CTNND2: variants seen among roughly 807,000 people sequenced by gnomAD.
CTNND2 encodes the protein catenin delta-2.
Under a neutral mutation model 144.4 loss-of-function variants are expected in CTNND2, and 22 were observed. The observed-to-expected ratio is 0.15, with a 90% CI of 0.11 to 0.22. The LOEUF (loss-of-function observed/expected upper bound fraction) is 0.22. Ranked by LOEUF, CTNND2 falls within the 10% of genes least tolerant of loss-of-function variation. The pLI is 1.00. For synonymous variants in CTNND2, 751 were observed against 695.6 expected (o/e 1.08, Z -1.25); for missense variants, 1,353 against 1,618.8 (o/e 0.84, Z 2.82).
chr5:11,284,961 C>T (rs548095303), intron 9 of CTNND2, among the ~76,000 whole-genome samples: 1 of 152,194 alleles, frequency 6.6e-6, no homozygotes, highest in Non-Finnish European at 1.5e-5. Context: ...ACAGAGCCCC[C>T]CTCCTTGACA....
intron 15 of CTNND2, among the ~76,000 whole-genome samples, chr5:11,088,035 T>TA (rs1750362879): frequency 6.6e-6 from 1 of 152,238 alleles, no homozygotes; most frequent in Admixed American, 6.5e-5. Flanking sequence ...AATTTTCAAT[T>TA]AAAAAATTTC....
At chr5:11,545,503 A>G (rs1280158971) in intron 3 of CTNND2, among the ~76,000 whole-genome samples, 1 of 151,658 alleles carries the variant, frequency 6.6e-6, no homozygotes, top group Non-Finnish European at 1.5e-5. Context: ...TCTACTAAAA[A>G]TACAAAAAAT....
At chr5:11,490,114 A>G (rs1050724120) in intron 3 of CTNND2, among the ~76,000 whole-genome samples, 15 of 152,148 alleles carry the variant, frequency 9.9e-5, no homozygotes, top group African/African-American at 3.6e-4. Flanking sequence ...TTCTGTCTTT[A>G]TTGTTTTAAC....
At chr5:11,580,708 C>T (rs1020772635) in intron 2 of CTNND2, among the ~76,000 whole-genome samples, 4 of 152,090 alleles carry the variant, frequency 2.6e-5, no homozygotes, top group African/African-American at 9.7e-5. Context: ...CATACCATTC[C>T]ATGGAAGGAT....
In CTNND2 at chr5:11,569,140, A is replaced by G. The variant is rs1777357572; in HGVS notation, c.175-4084T>C. Among the ~76,000 whole-genome samples, 5 of 152,194 alleles carry G rather than the reference A, an allele frequency of 3.3e-5. No homozygotes were observed. The South Asian group carries it at 8.3e-4, about 25-fold the overall frequency. On this transcript the variant is annotated intron_variant, in intron 2 of 21. Transcript: ENST00000304623. Reference sequence around the variant, plus strand: ...GATGTGGTGATGTAAATCAGGCTGCATAAAATGTAATACAGAGACTGCCCA... The same window carrying G: ...GATGTGGTGATGTAAATCAGGCTGCGTAAAATGTAATACAGAGACTGCCCA...
In CTNND2 at chr5:11,516,514, AT is replaced by A. The variant is rs551657991; in HGVS notation, c.287+48429del. 4.1e-3 allele frequency among the ~76,000 whole-genome samples: 626 copies of A among 152,320 alleles called. 5 individuals carry two copies. The highest frequency in any genetic ancestry group is 0.014 in the African/African-American group (597 of 41,582). On this transcript the variant is annotated intron_variant, in intron 3 of 21. Transcript: ENST00000304623. Reference sequence around the variant, plus strand: ...TAAAATTGCAAGGTACAAGATCAATATTTTAAAAATTGTTTGCATTTCTATA... The same window carrying A: ...TAAAATTGCAAGGTACAAGATCAATATTTAAAAATTGTTTGCATTTCTATA...
chr5:11,430,827 G>A (rs1352290856), intron 3 of CTNND2, among the ~76,000 whole-genome samples: 1 of 152,188 alleles, frequency 6.6e-6, no homozygotes, highest in African/African-American at 2.4e-5. Context: ...TATGGAAAAT[G>A]CAATCTTAGT....
chr5:11,086,739 G>T (rs369249452), intron 15 of CTNND2, among the ~76,000 whole-genome samples: 6 of 152,142 alleles, frequency 3.9e-5, no homozygotes, highest in African/African-American at 1.4e-4. Flanking sequence ...GATTTCCAGG[G>T]ATTTGACTTT....
intron 9 of CTNND2, among the ~76,000 whole-genome samples, chr5:11,295,843 T>A (rs1291183058): frequency 1.3e-5 from 2 of 151,980 alleles, no homozygotes; most frequent in Non-Finnish European, 2.9e-5. Flanking sequence ...CAAGATGCAT[T>A]AAAGACTTAC....
At chr5:11,734,117 C>A (rs1012007343) in intron 1 of CTNND2, among the ~76,000 whole-genome samples, 2 of 152,170 alleles carry the variant, frequency 1.3e-5, no homozygotes, top group African/African-American at 4.8e-5. Flanking sequence ...GACACTAAAT[C>A]TGCCAGGACT....
chr5:11,014,175 C>A (rs938719839), intron 18 of CTNND2, among the ~76,000 whole-genome samples: 7 of 152,288 alleles, frequency 4.6e-5, no homozygotes, highest in Non-Finnish European at 7.4e-5. Flanking sequence ...AGAATTTATA[C>A]ATGATGATTT....
chr5:11,357,989 A>G (rs1014376272), intron 8 of CTNND2, among the ~76,000 whole-genome samples: 1 of 152,120 alleles, frequency 6.6e-6, no homozygotes, highest in Non-Finnish European at 1.5e-5. Context: ...ATTATTCTTA[A>G]GTTCCAACTT....
chr5:11,325,724 C>T (rs1009877489), intron 9 of CTNND2, among the ~76,000 whole-genome samples: 1 of 152,126 alleles, frequency 6.6e-6, no homozygotes, highest in African/African-American at 2.4e-5. Context: ...CACCATTAGG[C>T]TTTCTTTCCC....
intron 9 of CTNND2, among the ~76,000 whole-genome samples, chr5:11,273,141 A>G (rs1015778217): frequency 3.9e-5 from 6 of 152,198 alleles, no homozygotes; most frequent in African/African-American, 1.4e-4. Context: ...AATTATCTAC[A>G]TATAATATTT....
intron 19 of CTNND2, among the ~76,000 whole-genome samples, chr5:10,990,234 A>T (rs1738516860): frequency 6.6e-6 from 1 of 152,194 alleles, no homozygotes; most frequent in African/African-American, 2.4e-5. Flanking sequence ...GAGAGGACAA[A>T]GGCTGGGACT....
chr5:11,233,390 T>C (rs895961175), intron 10 of CTNND2, among the ~76,000 whole-genome samples: 4 of 152,200 alleles, frequency 2.6e-5, no homozygotes, highest in African/African-American at 9.7e-5. Flanking sequence ...CCTCTGCATA[T>C]AGAAGATGTA....
intron 11 of CTNND2, among the ~76,000 whole-genome samples, chr5:11,167,032 C>T (rs1007656235): frequency 3.9e-5 from 6 of 152,344 alleles, no homozygotes; most frequent in African/African-American, 7.2e-5. Context: ...ATGACCTCTA[C>T]GTTTTCCTCT....
chr5:11,368,847 A>G (rs1273738996), intron 7 of CTNND2, among the ~76,000 whole-genome samples: 1 of 150,824 alleles, frequency 6.6e-6, no homozygotes, highest in Non-Finnish European at 1.5e-5. Context: ...AAACAGAGAT[A>G]ATAATATAAA....
intron 11 of CTNND2, among the ~76,000 whole-genome samples, chr5:11,185,785 G>C (rs1735567025): frequency 1.3e-5 from 2 of 152,172 alleles, no homozygotes. Flanking sequence ...TTGGGCAAGG[G>C]ATGTAGACGT....
Sources: gnomAD v4.1 joint callset for allele counts (sites outside exome capture counted in the v4.1 genomes callset) on GRCh38, gnomAD v4.1.1 for gene constraint, MANE v1.5 for transcripts, NCBI Gene and HGNC (gene_info 2026-07-23, HGNC 2026-07-21) for gene names.